RAB11FIP1: variants seen among roughly 807,000 people sequenced by gnomAD.
RAB11FIP1 encodes the protein RAB11 family interacting protein 1.
A neutral mutation model predicts 83.1 loss-of-function variants in RAB11FIP1; 49 were observed. That is an observed-to-expected ratio of 0.59 (90% CI 0.47 to 0.75). The LOEUF (loss-of-function observed/expected upper bound fraction) is 0.75, where lower values mean the gene tolerates loss of function less well. Ranked by LOEUF, RAB11FIP1 falls within the 30% of genes least tolerant of loss-of-function variation. The pLI, the probability that RAB11FIP1 is intolerant of heterozygous loss-of-function variation, is 0.00. For missense variants in RAB11FIP1, 1,536 were observed against 1,598.7 expected (o/e 0.96, Z 0.67); for synonymous variants, 670 against 656.0 (o/e 1.02, Z -0.33).
At chr8:37,886,178 T>C (rs2130180304) in intron 1 of RAB11FIP1, among the ~76,000 whole-genome samples, 1 of 152,310 alleles carries the variant, frequency 6.6e-6, no homozygotes, top group Non-Finnish European at 1.5e-5. Context: ...ACTAAAAAGC[T>C]TTCCCTGCAA....
In RAB11FIP1 at chr8:37,861,863, A is replaced by C. The variant is rs1471771337; in HGVS notation, c.*1032T>G. ...CTCGGCCTTGCAAAGTGCTGGGATT[A>C]CAGGCATGAGCCACCACGACTGGCC... On this transcript the variant is annotated 3_prime_UTR_variant, in exon 6 of 6. Coordinates refer to ENST00000330843, the MANE Select transcript of RAB11FIP1 (RefSeq NM_001002814.3). 1 of 255,500 alleles carries C rather than the reference A, an allele frequency of 3.9e-6. No homozygotes were observed. The highest frequency in any genetic ancestry group is 7.8e-6 in the Non-Finnish European group (1 of 128,872). 15.8% of individuals were successfully genotyped at this position (255,500 alleles called of 1,614,324 possible). A position where few individuals can be genotyped will look rare whatever the true frequency, so the allele number is the denominator to read the frequency against.
intron 2 of RAB11FIP1, among the ~76,000 whole-genome samples, chr8:37,876,219 AAGGAAGGAAGG>A (rs1806605273): frequency 1.2e-5 from 1 of 80,350 alleles, no homozygotes; most frequent in African/African-American, 6.3e-5. Context: ...GAAAGAAAGG[AAGGAAGGAAGG>A]AAGGAAGGAA....
At chr8:37,877,708 ATTTTTTTTTTTTT>A (rs59670170) in intron 1 of RAB11FIP1, 157 bp from the exon 2 acceptor site, 3,266 of 211,224 alleles carry the variant, frequency 0.015, 97 homozygotes, top group African/African-American at 0.12. Flanking sequence ...TGAGAGCAGA[ATTTTTTTTTTTTT>A]TTTTTTTTTT....
intron 1 of RAB11FIP1, among the ~76,000 whole-genome samples, chr8:37,886,231 T>C (rs578188492): frequency 1.3e-5 from 2 of 152,326 alleles, no homozygotes; most frequent in African/African-American, 2.4e-5. Context: ...AAGCATTTGT[T>C]ACATTGGGGC....
chr8:37,887,296 C>T (rs768227842), intron 1 of RAB11FIP1, among the ~76,000 whole-genome samples: 2 of 152,002 alleles, frequency 1.3e-5, no homozygotes, highest in Non-Finnish European at 2.9e-5. Context: ...ATTGGGAGGC[C>T]GAGGCGGGCA....
intron 1 of RAB11FIP1, among the ~76,000 whole-genome samples, chr8:37,898,718 G>A (rs1445592077): frequency 6.6e-6 from 1 of 151,722 alleles, no homozygotes; most frequent in Non-Finnish European, 1.5e-5. Flanking sequence ...TACTCGGGAG[G>A]CTGAGGCAGG....
At chr8:37,895,887 C>T (rs1807078470) in intron 1 of RAB11FIP1, among the ~76,000 whole-genome samples, 1 of 152,122 alleles carries the variant, frequency 6.6e-6, no homozygotes, top group Admixed American at 6.6e-5. Context: ...GAGAGACACA[C>T]ACACACACAC....
At chr8:37,877,575 T>C (rs1563370679) in intron 1 of RAB11FIP1, 24 bp from the exon 2 acceptor site, 1 of 1,519,826 alleles carries the variant, frequency 6.6e-7, no homozygotes, top group South Asian at 1.2e-5. Flanking sequence ...GGCTGAGGAG[T>C]TACCTTTGAA....
chr8:37,864,725 G>A (rs1171378658), intron 5 of RAB11FIP1, among the ~76,000 whole-genome samples: 1 of 152,176 alleles, frequency 6.6e-6, no homozygotes, highest in Non-Finnish European at 1.5e-5. Context: ...CACATTTAGA[G>A]GTGAGACACT....
chr8:37,887,572 C>A (rs529961145), intron 1 of RAB11FIP1, among the ~76,000 whole-genome samples: 4 of 151,560 alleles, frequency 2.6e-5, no homozygotes, highest in African/African-American at 7.3e-5. Context: ...CAGTCCCATG[C>A]TAATCTGACC....
rs1303104139 is a variant in RAB11FIP1, at chr8:37,872,540, A to C, written c.2262T>G (p.Ser754Arg). Residue 754 changes from serine to arginine, a missense_variant, in exon 4 of 6, where the codon AGT (serine) becomes AGG (arginine). By Grantham distance (110) the Ser-to-Arg change is moderately radical (BLOSUM62 -1). Coordinates refer to ENST00000330843, the MANE Select transcript of RAB11FIP1 (RefSeq NM_001002814.3). ...LAAGGDRDLE[S>R]QAGSLVESKA... ...TGCTCTCCACAAGAGACCCAGCCTG[A>C]CTCTCCAAGTCTCTGTCTCCTCCTG... 1.2e-6 allele frequency: 2 copies of C among 1,613,618 alleles called. No individual in the cohort carries two copies. The highest frequency in any genetic ancestry group is 1.7e-6 in the Non-Finnish European group (2 of 1,179,934).
In RAB11FIP1 at chr8:37,871,959, T is replaced by A; in HGVS notation, c.2843A>T (p.Lys948Ile). The A allele has an allele frequency of 6.2e-7, 1 of 1,614,158 alleles. No homozygotes were observed. The highest frequency in any genetic ancestry group is 8.5e-7 in the Non-Finnish European group (1 of 1,180,034). Residue 948 changes from lysine to isoleucine, a missense_variant, in exon 4 of 6, where the codon AAA becomes ATA. Transcript: ENST00000330843. ...LSDLQLVSDF[K>I]SPIMADLNLS... ...GTTCAGATCGGCCATGATTGGAGATTTAAAATCTGAGACCAACTGAAGGTC... is the reference window on the plus strand; with the variant it reads ...GTTCAGATCGGCCATGATTGGAGATATAAAATCTGAGACCAACTGAAGGTC...
Position 37,868,051 on chromosome 8 carries a change from C to T in RAB11FIP1, c.3633+2369G>A, listed in dbSNP as rs146676684. Among the ~76,000 whole-genome samples the T allele has an allele frequency of 6.4e-3, 972 of 152,078 alleles. 3 individuals carry two copies. The highest frequency in any genetic ancestry group is 0.022 in the African/African-American group (916 of 41,488). ...ACTTGAGCCCAGGAGTTCGAGGCTGCGATGAGCTATGATTGCACCTGTGAA... is the reference window on the plus strand; with the variant it reads ...ACTTGAGCCCAGGAGTTCGAGGCTGTGATGAGCTATGATTGCACCTGTGAA... On this transcript the variant is annotated intron_variant, in intron 5 of 5. Transcript: ENST00000330843.
At chr8:37,879,522 T>C (rs1194582376) in intron 1 of RAB11FIP1, among the ~76,000 whole-genome samples, 1 of 152,114 alleles carries the variant, frequency 6.6e-6, no homozygotes, top group East Asian at 1.9e-4. Context: ...GTTCCGGAGA[T>C]GGATGGCGGT....
chr8:37,882,594 T>C (rs1806751547), intron 1 of RAB11FIP1, among the ~76,000 whole-genome samples: 1 of 152,252 alleles, frequency 6.6e-6, no homozygotes, highest in African/African-American at 2.4e-5. Context: ...CGTCCTACTC[T>C]GTCTATGGAG....
intron 5 of RAB11FIP1, among the ~76,000 whole-genome samples, chr8:37,868,109 A>T (rs1806378835): frequency 6.6e-6 from 1 of 152,142 alleles, no homozygotes; most frequent in African/African-American, 2.4e-5. Context: ...GCAATAGAGC[A>T]AGACCCCATC....
intron 2 of RAB11FIP1, 148 bp from the exon 3 acceptor site, chr8:37,875,470 G>A: frequency 1.5e-6 from 1 of 652,382 alleles, no homozygotes; most frequent in Non-Finnish European, 2.7e-6. Context: ...TAGAGGACAA[G>A]GATGATACTG....
rs1293997963 is a variant in RAB11FIP1 at position 37,874,690 on chromosome 8, G to A, written c.1447C>T (p.Leu483Phe). The A allele has an allele frequency of 2.5e-6, 4 of 1,614,186 alleles. No homozygotes were observed. The highest frequency in any genetic ancestry group is 3.4e-6 in the Non-Finnish European group (4 of 1,180,044). Residue 483 changes from leucine to phenylalanine, a missense_variant, in exon 3 of 6, where the codon CTT becomes TTT. Coordinates refer to ENST00000330843, the MANE Select transcript of RAB11FIP1 (RefSeq NM_001002814.3). ...GEDASGPAED[L>F]VRRSEKDTAA... ...GTATCTTTCTCAGATCTTCTCACAA[G>A]GTCTTCAGCAGGCCCCGATGCGTCC...
intron 1 of RAB11FIP1, among the ~76,000 whole-genome samples, chr8:37,890,447 C>T (rs1806924130): frequency 6.6e-6 from 1 of 152,178 alleles, no homozygotes; most frequent in Non-Finnish European, 1.5e-5. Context: ...TTACCATTGC[C>T]TTTTTTCTCT....
Sources: allele counts gnomAD v4.1 joint callset (sites outside exome capture counted in the v4.1 genomes callset), GRCh38; gene constraint gnomAD v4.1.1; transcripts MANE v1.5; gene names NCBI Gene and HGNC (gene_info 2026-07-23, HGNC 2026-07-21).